Variants in GMDS observed in about 807,000 individuals in gnomAD.
GMDS encodes GDP-mannose 4,6 dehydratase.
Under a neutral mutation model 49.9 loss-of-function variants are expected in GMDS, and 20 were observed. That is an observed-to-expected ratio of 0.40 (90% CI 0.28 to 0.58). The LOEUF (loss-of-function observed/expected upper bound fraction) is 0.58, where lower values mean the gene tolerates loss of function less well. GMDS is among the 20% of genes least tolerant of loss of function. The pLI is 0.42. For synonymous variants in GMDS, 177 were observed against 178.6 expected (o/e 0.99, Z 0.07); for missense variants, 362 against 481.4 (o/e 0.75, Z 2.32).
At chr6:1,864,501 G>T (rs1449764984) in intron 7 of GMDS, among the ~76,000 whole-genome samples, 5 of 152,144 alleles carry the variant, frequency 3.3e-5, no homozygotes, top group African/African-American at 1.2e-4. Context: ...ATGATGACAT[G>T]AATTTTTCTT....
At chr6:2,141,162 G>C (rs1009567598) in intron 1 of GMDS, among the ~76,000 whole-genome samples, 3 of 152,188 alleles carry the variant, frequency 2.0e-5, no homozygotes, top group Non-Finnish European at 4.4e-5. Flanking sequence ...AAAAGTCAAA[G>C]GTGAAACCAT....
chr6:2,230,826 A>AG lies in GMDS; in HGVS notation c.102+14494_102+14495insC, dbSNP rs749441883. 2.4e-3 allele frequency among the ~76,000 whole-genome samples: 357 copies of AG among 151,866 alleles called. 1 individual carries two copies. Among genetic ancestry groups the AG allele is most frequent in the Non-Finnish European group, 4.0e-3 (269 of 67,956 alleles). On this transcript the variant is annotated intron_variant, in intron 1 of 10. Coordinates refer to ENST00000380815, the MANE Select transcript of GMDS (RefSeq NM_001500.4). ...TTATATTTAAATGTAGAAAAGCAAAACTTTAACAAAAATCTACTATGTATT... is the reference window on the plus strand; with the variant it reads ...TTATATTTAAATGTAGAAAAGCAAAAGCTTTAACAAAAATCTACTATGTATT...
chr6:2,026,101 A>G (rs1480749248), intron 4 of GMDS, among the ~76,000 whole-genome samples: 2 of 152,162 alleles, frequency 1.3e-5, no homozygotes, highest in Admixed American at 6.5e-5. Context: ...CTCTAAGAAC[A>G]ATTACTTTAG....
chr6:1,923,237 T>C (rs1761818633), intron 7 of GMDS, among the ~76,000 whole-genome samples: 2 of 152,136 alleles, frequency 1.3e-5, no homozygotes, highest in Admixed American at 1.3e-4. Flanking sequence ...GTGTCCACAC[T>C]ACCTCATTCT....
intron 7 of GMDS, among the ~76,000 whole-genome samples, chr6:1,832,844 G>A (rs1487487169): frequency 6.6e-6 from 1 of 152,186 alleles, no homozygotes; most frequent in Non-Finnish European, 1.5e-5. Context: ...CCACAGACCT[G>A]ATGAGCTTCA....
intron 7 of GMDS, among the ~76,000 whole-genome samples, chr6:1,762,648 C>T (rs955719297): frequency 6.6e-5 from 10 of 152,168 alleles, no homozygotes; most frequent in South Asian, 2.1e-4. Context: ...GTGGTGTTTA[C>T]GAAAAGGCAG....
chr6:1,705,147 G>T (rs114584110), intron 9 of GMDS, among the ~76,000 whole-genome samples: 6,694 of 152,292 alleles, frequency 0.044, 204 homozygotes, highest in Non-Finnish European at 0.071. Context: ...CCAGGCACTG[G>T]GGATACAAAT....
chr6:1,811,384 T>G (rs542431518), intron 7 of GMDS, among the ~76,000 whole-genome samples: 1 of 152,224 alleles, frequency 6.6e-6, no homozygotes, highest in Non-Finnish European at 1.5e-5. Context: ...GTTTTATTAA[T>G]GTCTAGTTAT....
In GMDS at chr6:2,198,187, T is replaced by C. The variant is rs1779357146; in HGVS notation, c.102+47134A>G. 3.3e-5 allele frequency among the ~76,000 whole-genome samples: 5 copies of C among 152,182 alleles called. No individual in the cohort carries two copies. In the South Asian group the frequency reaches 1.0e-3, roughly 32 times the overall value. ...AGAAAAGTAACGAAGAATGCAGAAC[T>C]TGCAGCAGGAGCTAAAGGGTAATTT... On this transcript the variant is annotated intron_variant, in intron 1 of 10. Transcript: ENST00000380815.
At chr6:2,082,890 G>A (rs1386273643) in intron 4 of GMDS, among the ~76,000 whole-genome samples, 1 of 152,164 alleles carries the variant, frequency 6.6e-6, no homozygotes, top group East Asian at 1.9e-4. Context: ...CCCAAAGTGG[G>A]TAAAGGTGGT....
rs554085453 is a variant in GMDS at position 2,121,180 on chromosome 6, G to A, written c.147+3507C>T. ...CAGCCTGAGGCTCCTTTGCCACAGC[G>A]AGCTAACCACTTTGTCCACCCCTCT... On this transcript the variant is annotated intron_variant, in intron 2 of 10. Coordinates refer to ENST00000380815, the MANE Select transcript of GMDS (RefSeq NM_001500.4). 4.6e-5 allele frequency among the ~76,000 whole-genome samples: 7 copies of A among 152,276 alleles called. No individual in the cohort carries two copies. In the South Asian group the frequency reaches 1.2e-3, roughly 27 times the overall value.
intron 8 of GMDS, among the ~76,000 whole-genome samples, chr6:1,729,688 C>T (rs942630826): frequency 6.6e-6 from 1 of 152,184 alleles, no homozygotes; most frequent in Non-Finnish European, 1.5e-5. Context: ...AATGAAGTGA[C>T]GGTGGCTTGA....
At chr6:1,997,914 G>A (rs566612407) in intron 4 of GMDS, among the ~76,000 whole-genome samples, 19 of 152,226 alleles carry the variant, frequency 1.2e-4, no homozygotes, top group Non-Finnish European at 2.6e-4. Context: ...CAGGGGAAAC[G>A]GCCTTTCCTC....
intron 7 of GMDS, among the ~76,000 whole-genome samples, chr6:1,770,807 A>G (rs1768550144): frequency 6.6e-6 from 1 of 152,236 alleles, no homozygotes; most frequent in Non-Finnish European, 1.5e-5. Flanking sequence ...TCTGCATACC[A>G]AAAGCATCCA....
chr6:1,862,015 C>T (rs1288777697), intron 7 of GMDS, among the ~76,000 whole-genome samples: 1 of 152,106 alleles, frequency 6.6e-6, no homozygotes, highest in Non-Finnish European at 1.5e-5. Context: ...AATAAAAAAG[C>T]TTCACAGAGA....
intron 1 of GMDS, among the ~76,000 whole-genome samples, chr6:2,132,031 G>C (rs1394437312): frequency 6.6e-6 from 1 of 152,118 alleles, no homozygotes; most frequent in African/African-American, 2.4e-5. Context: ...TCTGCATTCA[G>C]TATCTTTTTA....
intron 9 of GMDS, among the ~76,000 whole-genome samples, chr6:1,626,933 C>T (rs1166733124): frequency 6.6e-6 from 1 of 152,246 alleles, no homozygotes; most frequent in Non-Finnish European, 1.5e-5. Flanking sequence ...ACCAGAGACG[C>T]ACCCAGTTAA....
intron 9 of GMDS, among the ~76,000 whole-genome samples, chr6:1,711,133 T>C (rs1219724279): frequency 6.6e-6 from 1 of 152,218 alleles, no homozygotes; most frequent in Non-Finnish European, 1.5e-5. Context: ...TCAGCTTTTA[T>C]CTAATTCTTC....
At chr6:1,926,749 C>T (rs1041019511) in intron 7 of GMDS, among the ~76,000 whole-genome samples, 1 of 152,110 alleles carries the variant, frequency 6.6e-6, no homozygotes, top group Non-Finnish European at 1.5e-5. Flanking sequence ...CGGAGGGTAC[C>T]AAGCTATAAA....
Sources: gnomAD v4.1 joint callset for allele counts (sites outside exome capture counted in the v4.1 genomes callset) on GRCh38, gnomAD v4.1.1 for gene constraint, MANE v1.5 for transcripts, NCBI Gene and HGNC (gene_info 2026-07-23, HGNC 2026-07-21) for gene names.